The following CLSTN2 variants were observed in gnomAD, a reference collection of about 807,000 sequenced individuals.
CLSTN2 encodes the protein calsyntenin 2.
A neutral mutation model predicts 101.2 loss-of-function variants in CLSTN2; 48 were observed. The ratio of observed to expected loss-of-function variants is 0.47; its 90% CI spans 0.38 to 0.60. The LOEUF (loss-of-function observed/expected upper bound fraction) is 0.60, where lower values mean the gene tolerates loss of function less well. Among genes scored for constraint, CLSTN2 ranks in the 20% least tolerant of loss-of-function variants. The pLI is 0.00. For synonymous variants in CLSTN2, 481 were observed against 463.6 expected, an observed-to-expected ratio of 1.04 and a Z score of -0.48; for missense variants, 1,160 against 1,238.2, an observed-to-expected ratio of 0.94 and a Z score of 0.95.
intron 5 of CLSTN2, among the ~76,000 whole-genome samples, chr3:140,436,985 C>G (rs1277127563): frequency 6.6e-6 from 1 of 152,054 alleles, no homozygotes; most frequent in Non-Finnish European, 1.5e-5. Flanking sequence ...GTTGTAGCAG[C>G]CACCCTCACA....
chr3:140,057,110 G>T (rs2008112106), intron 1 of CLSTN2, among the ~76,000 whole-genome samples: 2 of 152,210 alleles, frequency 1.3e-5, no homozygotes, highest in Non-Finnish European at 2.9e-5. Flanking sequence ...TGAAGCAAGT[G>T]TCATTATGCC....
intron 1 of CLSTN2, among the ~76,000 whole-genome samples, chr3:140,112,526 C>T (rs2009173503): frequency 6.6e-6 from 1 of 152,106 alleles, no homozygotes; most frequent in Admixed American, 6.5e-5. Context: ...CAGCCGTGCA[C>T]CTGGACATTA....
chr3:140,026,997 A>T (rs1326177891), intron 1 of CLSTN2, among the ~76,000 whole-genome samples: 1 of 152,234 alleles, frequency 6.6e-6, no homozygotes, highest in African/African-American at 2.4e-5. Flanking sequence ...ATTATCGCCA[A>T]TGGGAGCATA....
intron 2 of CLSTN2, among the ~76,000 whole-genome samples, chr3:140,365,188 A>G (rs1281474008): frequency 1.3e-5 from 2 of 152,266 alleles, no homozygotes; most frequent in South Asian, 2.1e-4. Context: ...TTGCTGCCGG[A>G]CTAATATTTC....
chr3:140,195,114 T>C (rs182870267), intron 2 of CLSTN2, among the ~76,000 whole-genome samples: 153 of 152,326 alleles, frequency 1.0e-3, no homozygotes, highest in African/African-American at 3.6e-3. Context: ...GTCTAGGCTT[T>C]CTACTTACTC....
intron 1 of CLSTN2, among the ~76,000 whole-genome samples, chr3:140,053,642 C>T (rs2008044178): frequency 6.6e-6 from 1 of 152,194 alleles, no homozygotes; most frequent in Non-Finnish European, 1.5e-5. Flanking sequence ...CTGTCTTCCC[C>T]ATTCCCTCAT....
At chr3:140,026,973 A>G (rs558843679) in intron 1 of CLSTN2, among the ~76,000 whole-genome samples, 2 of 152,360 alleles carry the variant, frequency 1.3e-5, no homozygotes, top group East Asian at 1.9e-4. Flanking sequence ...ACCCCATGGA[A>G]TGGAGCTCTG....
At chr3:140,034,132 C>G (rs931865443) in intron 1 of CLSTN2, among the ~76,000 whole-genome samples, 1 of 152,176 alleles carries the variant, frequency 6.6e-6, no homozygotes, top group Non-Finnish European at 1.5e-5. Context: ...CACTGACAAT[C>G]CTGAGTCAAC....
intron 1 of CLSTN2, among the ~76,000 whole-genome samples, chr3:140,127,340 T>C (rs1216854740): frequency 6.6e-6 from 1 of 152,220 alleles, no homozygotes; most frequent in East Asian, 1.9e-4. Context: ...AGAATTGTCA[T>C]GAGGCTTAGC....
chr3:140,006,210 T>C (rs2006950216), intron 1 of CLSTN2, among the ~76,000 whole-genome samples: 1 of 152,244 alleles, frequency 6.6e-6, no homozygotes, highest in Non-Finnish European at 1.5e-5. Flanking sequence ...AACTGACCTA[T>C]GGCTTTAAAT....
chr3:140,070,143 AT>A (rs2008366724), intron 1 of CLSTN2, among the ~76,000 whole-genome samples: 1 of 152,160 alleles, frequency 6.6e-6, no homozygotes, highest in Non-Finnish European at 1.5e-5. Flanking sequence ...TTTTGATTTC[AT>A]TTAGATGCCA....
At chr3:140,028,826 C>T (rs2007486034) in intron 1 of CLSTN2, among the ~76,000 whole-genome samples, 1 of 152,178 alleles carries the variant, frequency 6.6e-6, no homozygotes, top group Admixed American at 6.5e-5. Context: ...GTCAGAAGGA[C>T]AGGGCCAGGG....
intron 2 of CLSTN2, among the ~76,000 whole-genome samples, chr3:140,293,890 C>T (rs188012649): frequency 2.1e-3 from 316 of 152,278 alleles, no homozygotes; most frequent in African/African-American, 7.4e-3. Context: ...ATCCTCCTTC[C>T]ACCTTTCCTA....
intron 2 of CLSTN2, among the ~76,000 whole-genome samples, chr3:140,254,823 C>G (rs897004834): frequency 2.6e-5 from 4 of 152,056 alleles, no homozygotes; most frequent in Non-Finnish European, 5.9e-5. Context: ...CAAAAATTGA[C>G]AAGAGGGACT....
chr3:140,448,209 C>CTGTG (rs55857773), intron 5 of CLSTN2, among the ~76,000 whole-genome samples: 2,599 of 148,334 alleles, frequency 0.018, 29 homozygotes, highest in South Asian at 0.033. Flanking sequence ...GAGGGTGTGA[C>CTGTG]TGTGTGTGTG....
chr3:140,180,922 T>C (rs1053969154), intron 2 of CLSTN2, among the ~76,000 whole-genome samples: 1 of 152,206 alleles, frequency 6.6e-6, no homozygotes, highest in Non-Finnish European at 1.5e-5. Context: ...CCTCCTTATC[T>C]TGGGACCTGC....
chr3:140,126,984 G>A (rs1291814037), intron 1 of CLSTN2, among the ~76,000 whole-genome samples: 1 of 151,592 alleles, frequency 6.6e-6, no homozygotes. Flanking sequence ...CAAAAAAAAA[G>A]CAAGTTCAAG....
At chr3:140,404,949 C>T (rs1292720697) in intron 4 of CLSTN2, among the ~76,000 whole-genome samples, 183 bp downstream of exon 4, 1 of 152,138 alleles carries the variant, frequency 6.6e-6, no homozygotes, top group Non-Finnish European at 1.5e-5. Context: ...TGATTAGCAG[C>T]CCTGCCAGGT....
chr3:140,173,288 T>A (rs967148520), intron 1 of CLSTN2, among the ~76,000 whole-genome samples: 1 of 152,134 alleles, frequency 6.6e-6, no homozygotes, highest in Non-Finnish European at 1.5e-5. Flanking sequence ...TCCAATATGA[T>A]CTCTTTTGAC....
Sources: allele counts gnomAD v4.1 joint callset (sites outside exome capture counted in the v4.1 genomes callset), GRCh38; gene constraint gnomAD v4.1.1; transcripts MANE v1.5; gene names NCBI Gene and HGNC (gene_info 2026-07-23, HGNC 2026-07-21).